The following GUCY1A2 variants were observed in gnomAD, a reference collection of about 807,000 sequenced individuals.
GUCY1A2 encodes guanylate cyclase 1 soluble subunit alpha 2.
In GUCY1A2, 27 loss-of-function variants were observed where a neutral mutation model predicts 63.5. That is an observed-to-expected ratio of 0.43 (90% CI 0.31 to 0.59). The LOEUF is 0.59. GUCY1A2 is among the 20% of genes least tolerant of loss of function. GUCY1A2 has a pLI of 0.11. For synonymous variants in GUCY1A2, 364 were observed against 343.5 expected, an observed-to-expected ratio of 1.06 and a Z score of -0.66; for missense variants, 768 against 913.3, an observed-to-expected ratio of 0.84 and a Z score of 2.05.
intron 6 of GUCY1A2, among the ~76,000 whole-genome samples, chr11:106,745,600 A>T: frequency 6.6e-6 from 1 of 152,210 alleles, no homozygotes; most frequent in African/African-American, 2.4e-5. Context: ...AACAGGAGCT[A>T]AAGAATATTT....
chr11:106,907,762 T>A (rs1028985174), intron 4 of GUCY1A2, among the ~76,000 whole-genome samples: 1 of 152,138 alleles, frequency 6.6e-6, no homozygotes, highest in Non-Finnish European at 1.5e-5. Flanking sequence ...TGCATAGTAT[T>A]CCATGGTGTA....
Position 106,939,652 on chromosome 11 carries a change from T to C in GUCY1A2, c.1014A>G (p.Ser338=). The change falls in exon 4 of 8, where the codon TCA becomes TCG. Residue 338 remains serine (S), a synonymous_variant. Transcript: ENST00000526355. Reference sequence around the variant, plus strand: ...TTAGACCTTCCCCCAACTGAAGGACTGACATGCTGGGATCAAACATCAAGT... The same window carrying C: ...TTAGACCTTCCCCCAACTGAAGGACCGACATGCTGGGATCAAACATCAAGT... ...PFHLMFDPSM[S]VLQLGEGLRK... 6.2e-7 allele frequency: 1 copy of C among 1,613,904 alleles called. No homozygotes were observed. Among genetic ancestry groups the C allele is most frequent in the Non-Finnish European group, 8.5e-7 (1 of 1,179,832 alleles).
intron 4 of GUCY1A2, among the ~76,000 whole-genome samples, chr11:106,851,277 A>C (rs181625617): frequency 2.3e-3 from 346 of 152,000 alleles, no homozygotes; most frequent in African/African-American, 7.7e-3. Flanking sequence ...AATAGTTTGC[A>C]AATATTTTCT....
intron 4 of GUCY1A2, among the ~76,000 whole-genome samples, chr11:106,905,312 G>T (rs1025959717): frequency 6.6e-6 from 1 of 152,052 alleles, no homozygotes; most frequent in African/African-American, 2.4e-5. Flanking sequence ...AGATAAAGCT[G>T]CAATAATATC....
chr11:106,774,482 C>T (rs1009659863), intron 6 of GUCY1A2, among the ~76,000 whole-genome samples: 3 of 152,070 alleles, frequency 2.0e-5, no homozygotes, highest in Admixed American at 6.6e-5. Flanking sequence ...CCTGCAGTCT[C>T]GTTAAGATGG....
chr11:106,796,631 T>A (rs1348903810), intron 5 of GUCY1A2, among the ~76,000 whole-genome samples: 1 of 152,218 alleles, frequency 6.6e-6, no homozygotes, highest in Non-Finnish European at 1.5e-5. Context: ...ATAGAGTTTC[T>A]GCTGAGAGAT....
intron 4 of GUCY1A2, among the ~76,000 whole-genome samples, chr11:106,837,150 C>A (rs897492845): frequency 1.6e-4 from 25 of 151,878 alleles, no homozygotes; most frequent in African/African-American, 5.1e-4. Flanking sequence ...CACCTCCCAA[C>A]CTGCACACTC....
At chr11:106,818,169 A>G (rs1371423632) in intron 4 of GUCY1A2, among the ~76,000 whole-genome samples, 1 of 152,128 alleles carries the variant, frequency 6.6e-6, no homozygotes, top group African/African-American at 2.4e-5. Context: ...GCTTCACTTT[A>G]TTGCCCTTTG....
At chr11:106,983,113 G>C (rs893003864) in intron 2 of GUCY1A2, among the ~76,000 whole-genome samples, 2 of 152,178 alleles carry the variant, frequency 1.3e-5, no homozygotes, top group African/African-American at 2.4e-5. Context: ...GTGGCATGAT[G>C]TAATTTTTTA....
At chr11:106,795,341 G>A (rs1864736304) in intron 5 of GUCY1A2, among the ~76,000 whole-genome samples, 1 of 152,166 alleles carries the variant, frequency 6.6e-6, no homozygotes, top group Non-Finnish European at 1.5e-5. Flanking sequence ...CTGGATATGA[G>A]GCGATGACAC....
rs1862396946 is a variant in GUCY1A2, at chr11:106,679,444, A to C, written c.*8105T>G. 5.1e-6 allele frequency: 1 copy of C among 196,260 alleles called. No individual in the cohort carries two copies. Among genetic ancestry groups the C allele is most frequent in the Non-Finnish European group, 1.1e-5 (1 of 94,578 alleles). The allele number at this position is 196,260 out of a possible 1,614,324, so 12.2% of individuals were successfully genotyped here. A position where few individuals can be genotyped will look rare whatever the true frequency, so the allele number is the denominator to read the frequency against. On this transcript the variant is annotated 3_prime_UTR_variant, in exon 8 of 8. Transcript: ENST00000526355. ...ACCCAATTTGAGAAGAATGTGAAGA[A>C]GAATATGGCGTAGAGTACAGCCGCC...
At chr11:106,772,724 A>G (rs1864279057) in intron 6 of GUCY1A2, among the ~76,000 whole-genome samples, 1 of 152,178 alleles carries the variant, frequency 6.6e-6, no homozygotes, top group Non-Finnish European at 1.5e-5. Flanking sequence ...TGCTATGACA[A>G]TGCTAAATTC....
chr11:106,719,711 T>C (rs1326122484), intron 6 of GUCY1A2, among the ~76,000 whole-genome samples: 1 of 152,196 alleles, frequency 6.6e-6, no homozygotes, highest in African/African-American at 2.4e-5. Context: ...AAAATTGCTG[T>C]TTTGAATTTG....
At chr11:106,735,057 T>A (rs2135374365) in intron 6 of GUCY1A2, among the ~76,000 whole-genome samples, 1 of 152,254 alleles carries the variant, frequency 6.6e-6, no homozygotes, top group South Asian at 2.1e-4. Context: ...AGTATTTCGA[T>A]ACAGGCATAC....
chr11:106,987,226 C>T (rs1461177104), intron 1 of GUCY1A2, among the ~76,000 whole-genome samples: 1 of 152,188 alleles, frequency 6.6e-6, no homozygotes, highest in African/African-American at 2.4e-5. Context: ...AGCATGGTAG[C>T]CTTCTACCTC....
chr11:106,813,137 A>T (rs1314553540), intron 4 of GUCY1A2, among the ~76,000 whole-genome samples: 1 of 152,012 alleles, frequency 6.6e-6, no homozygotes, highest in Non-Finnish European at 1.5e-5. Context: ...TAAAATATAA[A>T]CATCTATCTA....
At chr11:106,712,884 C>A (rs545564035) in intron 6 of GUCY1A2, among the ~76,000 whole-genome samples, 2 of 152,254 alleles carry the variant, frequency 1.3e-5, no homozygotes, top group South Asian at 4.1e-4. Flanking sequence ...CTCCCTCACA[C>A]CAGGGCTCAA....
In GUCY1A2 at chr11:106,871,634, G is replaced by C. The variant is rs542826049; in HGVS notation, c.1207-61156C>G. Among the ~76,000 whole-genome samples the C allele has an allele frequency of 5.3e-5, 8 of 152,250 alleles. No individual in the cohort carries two copies. In the South Asian group the frequency reaches 1.4e-3, roughly 28 times the overall value. The stretch of plus-strand genomic sequence containing the variant: ...TAATGACCTCACCTTAAGGTCATTT[G>C]ATTATAACTGCCAAAAGCTTATTTC... On this transcript the variant is annotated intron_variant, in intron 4 of 7. Coordinates refer to ENST00000526355, the MANE Select transcript of GUCY1A2 (RefSeq NM_000855.3).
At chr11:106,975,605 T>A (rs565258051) in intron 3 of GUCY1A2, among the ~76,000 whole-genome samples, 2 of 152,144 alleles carry the variant, frequency 1.3e-5, no homozygotes, top group African/African-American at 4.8e-5. Flanking sequence ...CACCAAAATA[T>A]GGTGAAGAGA....
Sources: allele counts gnomAD v4.1 joint callset (sites outside exome capture counted in the v4.1 genomes callset), GRCh38; gene constraint gnomAD v4.1.1; transcripts MANE v1.5; gene names NCBI Gene and HGNC (gene_info 2026-07-23, HGNC 2026-07-21).